Variants in CGNL1 observed in about 807,000 individuals in gnomAD.
CGNL1 encodes cingulin-like protein 1.
Under a neutral mutation model 141.2 loss-of-function variants are expected in CGNL1, and 132 were observed. The observed-to-expected ratio is 0.93, with a 90% CI of 0.81 to 1.08. The LOEUF is 1.08. Ranked by LOEUF, CGNL1 falls within the 50% of genes least tolerant of loss-of-function variation. The probability of loss-of-function intolerance (pLI) is 0.00; values close to 1 mark genes in which losing one functional copy is unlikely to be tolerated. For synonymous variants in CGNL1, 690 were observed against 622.1 expected (o/e 1.11, Z -1.63); for missense variants, 1,870 against 1,588.6 (o/e 1.18, Z -3.01).
rs367972782 is a variant in CGNL1, at chr15:57,394,147, C to G, written c.-16+17580C>G. The G allele has an allele frequency of 3.4e-5, 4 of 118,182 alleles. No individual in the cohort carries two copies. In the East Asian group the frequency reaches 7.1e-4, roughly 21 times the overall value. The allele number at this position is 118,182 out of a possible 1,614,324, so 7.3% of individuals were successfully genotyped here. On this transcript the variant is annotated intron_variant, in intron 1 of 18. Transcript: ENST00000281282. ...TGAGATGGAGTTTCGCTCTTCTTGT[C>G]CAGGCTGGAGTACAAGCTCATGTTG...
intron 1 of CGNL1, among the ~76,000 whole-genome samples, chr15:57,437,158 A>G (rs1217788088): frequency 6.6e-6 from 1 of 152,194 alleles, no homozygotes; most frequent in Non-Finnish European, 1.5e-5. Context: ...GTCATCTGGC[A>G]AGGTTGGCCA....
intron 14 of CGNL1, among the ~76,000 whole-genome samples, chr15:57,533,446 G>C (rs960277907): frequency 6.6e-6 from 1 of 152,142 alleles, no homozygotes; most frequent in African/African-American, 2.4e-5. Flanking sequence ...GCTAAGTAGC[G>C]ACGTTCCCCC....
chr15:57,408,758 A>G (rs1030873547), intron 1 of CGNL1, among the ~76,000 whole-genome samples: 42 of 152,188 alleles, frequency 2.8e-4, no homozygotes, highest in African/African-American at 9.9e-4. Context: ...CCTTTAGGCC[A>G]GACACAGTGG....
chr15:57,461,545 C>T lies in CGNL1; in HGVS notation c.2191-135C>T, dbSNP rs1379162986. On this transcript the variant is annotated intron_variant, in intron 7 of 18. Transcript: ENST00000281282. Reference sequence around the variant, plus strand: ...GGAAGAAATGGTCTAAACAGGTGTGCGGGATGTGGAAGGAGAGAGTGGCAA... The same window carrying T: ...GGAAGAAATGGTCTAAACAGGTGTGTGGGATGTGGAAGGAGAGAGTGGCAA... 1.4e-5 allele frequency: 10 copies of T among 726,766 alleles called. 1 individual carries two copies. In the East Asian group the frequency reaches 2.0e-4, roughly 14 times the overall value. 45.0% of individuals were successfully genotyped at this position (726,766 alleles called of 1,614,324 possible).
At chr15:57,517,638 C>T (rs1218254700) in intron 9 of CGNL1, among the ~76,000 whole-genome samples, 1 of 152,188 alleles carries the variant, frequency 6.6e-6, no homozygotes, top group Non-Finnish European at 1.5e-5. Flanking sequence ...GAGGGCCGTC[C>T]TTCTGTGTTG....
chr15:57,485,751 C>T (rs2063777393), intron 8 of CGNL1, among the ~76,000 whole-genome samples: 3 of 152,180 alleles, frequency 2.0e-5, no homozygotes, highest in Non-Finnish European at 4.4e-5. Flanking sequence ...TTGGATCATA[C>T]TTTTGACACC....
At chr15:57,475,264 C>T (rs988953752) in intron 8 of CGNL1, among the ~76,000 whole-genome samples, 1 of 152,216 alleles carries the variant, frequency 6.6e-6, no homozygotes, top group Non-Finnish European at 1.5e-5. Context: ...GCCTTTGCAA[C>T]CCTGGCCCTC....
intron 8 of CGNL1, among the ~76,000 whole-genome samples, chr15:57,479,687 T>G (rs2063701562): frequency 6.6e-6 from 1 of 151,536 alleles, no homozygotes; most frequent in Non-Finnish European, 1.5e-5. Context: ...CAAAACAAAA[T>G]GAAACAGGCA....
In CGNL1 at chr15:57,461,838, G is replaced by A; in HGVS notation, c.2349G>A (p.Glu783=). ...SHDQEMDKLK[E]QYDAELQALR... is the part of the protein sequence containing the mutation. ...ATCAGGAGATGGACAAGCTGAAGGA[G>A]CAATATGATGCTGAGTTGCAGGCCC... Residue 783 remains glutamate (E), a synonymous_variant, in exon 8 of 19, where the codon GAG becomes GAA. Coordinates refer to ENST00000281282, the MANE Select transcript of CGNL1 (RefSeq NM_032866.5). 1 of 1,614,044 alleles carries A rather than the reference G, an allele frequency of 6.2e-7. No individual in the cohort carries two copies. Among genetic ancestry groups the A allele is most frequent in the Admixed American group, 1.7e-5 (1 of 60,020 alleles).
chr15:57,400,535 T>C lies in CGNL1; in HGVS notation c.-16+23968T>C, dbSNP rs115904825. ...GCTTCACAGCACACACAGCTTTGGA[T>C]GCTCAAAGCCCATTTGAGCTTCCAT... On this transcript the variant is annotated intron_variant, in intron 1 of 18. Transcript: ENST00000281282. 5.6e-3 allele frequency among the ~76,000 whole-genome samples: 858 copies of C among 152,270 alleles called. 7 individuals are homozygous for C. Among genetic ancestry groups the C allele is most frequent in the African/African-American group, 0.019 (807 of 41,556 alleles).
intron 1 of CGNL1, among the ~76,000 whole-genome samples, chr15:57,400,498 A>G (rs2062647833): frequency 6.6e-6 from 1 of 152,188 alleles, no homozygotes; most frequent in Admixed American, 6.5e-5. Context: ...TTGCCTAAAA[A>G]GAAAATGGTG....
At chr15:57,470,638 A>C (rs1462544233) in intron 8 of CGNL1, among the ~76,000 whole-genome samples, 1 of 152,162 alleles carries the variant, frequency 6.6e-6, no homozygotes, top group African/African-American at 2.4e-5. Context: ...AGATATGCGG[A>C]TTCATTTGCC....
intron 14 of CGNL1, among the ~76,000 whole-genome samples, chr15:57,533,856 G>T (rs565524668): frequency 6.6e-6 from 1 of 152,356 alleles, no homozygotes; most frequent in Non-Finnish European, 1.5e-5. Context: ...TAGGGGGGAA[G>T]TTAAGGGAAC....
At chr15:57,471,979 T>C (rs2063587617) in intron 8 of CGNL1, among the ~76,000 whole-genome samples, 1 of 152,096 alleles carries the variant, frequency 6.6e-6, no homozygotes, top group Non-Finnish European at 1.5e-5. Context: ...TTGTGCACCC[T>C]GTAGTCCTAG....
In CGNL1 at chr15:57,442,425, A is replaced by G; in HGVS notation, c.1750A>G (p.Lys584Glu). 1.2e-6 allele frequency: 2 copies of G among 1,613,842 alleles called. No homozygotes were observed. The highest frequency in any genetic ancestry group is 1.7e-6 in the Non-Finnish European group (2 of 1,179,780). Residue 584 changes from lysine (K) to glutamate (E), a missense_variant, in exon 4 of 19, where the codon AAA (lysine) becomes GAA (glutamate). Lys to Glu is a moderately conservative substitution (Grantham distance 56). Coordinates refer to ENST00000281282, the MANE Select transcript of CGNL1 (RefSeq NM_032866.5). Reference sequence around the variant, plus strand: ...AAGGAAAGTCAACTTGGTCTTTGAGAAAATCCAGACCTTAAAGTCTCGAGC... The same window carrying G: ...AAGGAAAGTCAACTTGGTCTTTGAGGAAATCCAGACCTTAAAGTCTCGAGC... ...TKRKVNLVFE[K>E]IQTLKSRAAG...
intron 13 of CGNL1, 89 bp from the exon 14 acceptor site, chr15:57,531,601 C>A: frequency 1.2e-6 from 1 of 807,736 alleles, no homozygotes; most frequent in Non-Finnish European, 2.2e-6. Context: ...TCTCATTTGC[C>A]CTTAGGATTG....
chr15:57,405,810 C>G (rs1220378226), intron 1 of CGNL1, among the ~76,000 whole-genome samples: 4 of 75,170 alleles, frequency 5.3e-5, no homozygotes, highest in East Asian at 4.4e-4. Flanking sequence ...TTCTTTCTTT[C>G]CTTCTTTCTT....
intron 1 of CGNL1, among the ~76,000 whole-genome samples, chr15:57,417,980 A>G (rs2152278553): frequency 6.6e-6 from 1 of 152,230 alleles, no homozygotes; most frequent in East Asian, 1.9e-4. Flanking sequence ...GCATACGAAC[A>G]GGGGTGGAGG....
chr15:57,537,767 C>G (rs2140212458), intron 14 of CGNL1, among the ~76,000 whole-genome samples: 1 of 152,336 alleles, frequency 6.6e-6, no homozygotes, highest in African/African-American at 2.4e-5. Flanking sequence ...ACTGTGATTT[C>G]TGATCAAAAT....
Sources: allele counts gnomAD v4.1 joint callset (sites outside exome capture counted in the v4.1 genomes callset), GRCh38; gene constraint gnomAD v4.1.1; transcripts MANE v1.5; gene names NCBI Gene and HGNC (gene_info 2026-07-23, HGNC 2026-07-21).